PDZD2: variants seen among roughly 807,000 people sequenced by gnomAD.
PDZD2 encodes PDZ domain-containing protein 2.
Under a neutral mutation model 220.7 loss-of-function variants are expected in PDZD2, and 90 were observed. The observed-to-expected ratio is 0.41, with a 90% confidence interval of 0.34 to 0.49. The LOEUF (loss-of-function observed/expected upper bound fraction) is 0.49, where lower values mean the gene tolerates loss of function less well. Ranked by LOEUF, PDZD2 falls within the 20% of genes least tolerant of loss-of-function variation. The pLI is 0.28. For synonymous variants in PDZD2, 1,375 were observed against 1,450.5 expected (o/e 0.95, Z 1.18); for missense variants, 3,174 against 3,608.5 (o/e 0.88, Z 3.08).
At position 32,089,433 on chromosome 5, in the gene PDZD2, A is replaced by G; in HGVS notation, c.5985A>G (p.Gln1995=). ...CCTCTCCCAAGCCTGTTCCTGAGCA[A>G]GGCATGTGGAGCAGGTTCCACATGG... ...PLTSPKPVPE[Q]GMWSRFHMAV... Residue 1995 remains glutamine, a synonymous_variant, in exon 20 of 25, where the codon CAA becomes CAG. Coordinates refer to ENST00000438447, the MANE Select transcript of PDZD2 (RefSeq NM_178140.4). 6.2e-7 allele frequency: 1 copy of G among 1,614,054 alleles called. No homozygotes were observed.
intron 2 of PDZD2, among the ~76,000 whole-genome samples, chr5:31,850,243 TACACACACACACACACAC>T (rs1554082942): frequency 3.3e-5 from 4 of 122,228 alleles, no homozygotes; most frequent in Non-Finnish European, 3.4e-5. Context: ...TATATATATA[TACACACACACACACACAC>T]ATATATATAC....
intron 1 of PDZD2, among the ~76,000 whole-genome samples, chr5:31,784,269 C>T (rs918476939): frequency 3.3e-5 from 5 of 152,174 alleles, no homozygotes; most frequent in African/African-American, 9.7e-5. Context: ...GAGGTGTCCT[C>T]GGGACCTGGG....
intron 6 of PDZD2, among the ~76,000 whole-genome samples, chr5:32,011,027 A>AAAC (rs1753274331): frequency 8.0e-6 from 1 of 125,510 alleles, no homozygotes; most frequent in Non-Finnish European, 1.6e-5. Flanking sequence ...AAAAAACAAC[A>AAAC]ACAACAACAA....
chr5:31,816,234 G>A (rs1003555079), intron 2 of PDZD2, among the ~76,000 whole-genome samples: 1 of 146,338 alleles, frequency 6.8e-6, no homozygotes, highest in East Asian at 1.9e-4. Flanking sequence ...CTTGCAGTGA[G>A]CCGAGATCGC....
chr5:31,983,027 G>C (rs982793863), intron 2 of PDZD2, 128 bp from the exon 3 acceptor site: 2 of 829,760 alleles, frequency 2.4e-6, no homozygotes, highest in African/African-American at 3.4e-5. Flanking sequence ...AATCTCTTTA[G>C]GAAGCTCAAT....
At chr5:32,069,263 C>CAAA (rs11361686) in intron 14 of PDZD2, among the ~76,000 whole-genome samples, 7 of 99,342 alleles carry the variant, frequency 7.0e-5, no homozygotes, top group Non-Finnish European at 4.3e-5. Context: ...GACTCTGTCT[C>CAAA]AAAAAAAAAA....
chr5:31,689,937 C>T (rs973471155), intron 1 of PDZD2, among the ~76,000 whole-genome samples: 24 of 152,114 alleles, frequency 1.6e-4, no homozygotes, highest in Non-Finnish European at 3.2e-4. Flanking sequence ...AGAGAAATTC[C>T]CATAGGCCCA....
At chr5:31,853,465 G>T (rs1758179808) in intron 2 of PDZD2, among the ~76,000 whole-genome samples, 1 of 152,166 alleles carries the variant, frequency 6.6e-6, no homozygotes, top group Admixed American at 6.5e-5. Flanking sequence ...GTTGGCTGTT[G>T]TGCCCACCTG....
rs541276784 is a variant in PDZD2 at position 31,643,186 on chromosome 5, A to T, written c.-361+3749A>T. On this transcript the variant is annotated intron_variant, in intron 1 of 24. Coordinates refer to ENST00000438447, the MANE Select transcript of PDZD2 (RefSeq NM_178140.4). ...GAACAGTGTGTCCAGAAATGCATAA[A>T]CCTCTCACCAAAGTCAGTGAGAGCC... Among the ~76,000 whole-genome samples the T allele has an allele frequency of 1.9e-3, 295 of 152,066 alleles. 1 individual carries two copies. Among genetic ancestry groups the T allele is most frequent in the African/African-American group, 6.3e-3 (262 of 41,460 alleles).
intron 9 of PDZD2, 116 bp downstream of exon 9, chr5:32,052,846 T>C (rs1738704970): frequency 9.0e-7 from 1 of 1,107,926 alleles, no homozygotes; most frequent in Non-Finnish European, 1.3e-6. Flanking sequence ...GTTCTTGCTC[T>C]GTTGCCCAGG....
chr5:31,957,488 A>G (rs755808193), intron 2 of PDZD2, among the ~76,000 whole-genome samples: 1 of 152,226 alleles, frequency 6.6e-6, no homozygotes, highest in Non-Finnish European at 1.5e-5. Context: ...AATTGCTTAA[A>G]CATTTTCCCT....
At chr5:31,996,322 A>T (rs1162906508) in intron 4 of PDZD2, among the ~76,000 whole-genome samples, 1 of 152,244 alleles carries the variant, frequency 6.6e-6, no homozygotes, top group Non-Finnish European at 1.5e-5. Flanking sequence ...TCACGCCTGT[A>T]ATCCCAATAC....
At chr5:31,749,381 A>G (rs1447490875) in intron 1 of PDZD2, among the ~76,000 whole-genome samples, 2 of 151,192 alleles carry the variant, frequency 1.3e-5, no homozygotes, top group African/African-American at 4.9e-5. Context: ...GTCTGTCTCC[A>G]TTGTGCCTAG....
At position 32,059,251 on chromosome 5, in the gene PDZD2, G is replaced by T; in HGVS notation, c.2213G>T (p.Gly738Val). Residue 738 changes from glycine to valine, a missense_variant, in exon 13 of 25, where the codon GGA (glycine) becomes GTA (valine). This residue lies in a region of PDZD2 where 1,861 missense variants were observed against 2,001.0 expected (regional missense o/e 0.93). Transcript: ENST00000438447. ...EVTLNKEPRV[G>V]LGIGACCLAL... is the part of the protein sequence containing the mutation. ...GTGCCTCTCACAGAGCCAAGAGTTG[G>T]ATTAGGCATTGGTGCCTGCTGCTTG... The T allele has an allele frequency of 6.2e-7, 1 of 1,604,200 alleles. No individual in the cohort carries two copies. The highest frequency in any genetic ancestry group is 8.5e-7 in the Non-Finnish European group (1 of 1,171,076).
At chr5:31,881,375 T>TATA (rs869172050) in intron 2 of PDZD2, among the ~76,000 whole-genome samples, 28 of 121,624 alleles carry the variant, frequency 2.3e-4, no homozygotes, top group African/African-American at 9.5e-4. Context: ...TGTGTATATA[T>TATA]TTTTTTTTTT....
Position 31,750,955 on chromosome 5 carries a change from A to G in PDZD2, c.-360-47934A>G, listed in dbSNP as rs188514079. 1.4e-3 allele frequency among the ~76,000 whole-genome samples: 209 copies of G among 151,770 alleles called. 1 individual carries two copies. Among genetic ancestry groups the G allele is most frequent in the Non-Finnish European group, 1.5e-4 (10 of 67,986 alleles). On this transcript the variant is annotated intron_variant, in intron 1 of 24. Transcript: ENST00000438447. ...CCATTTGGTGGTTTTGAGTAAGAGA[A>G]GCATGGGCCAGGCACGGTGGCTCAT...
At chr5:31,679,500 T>A (rs1746571124) in intron 1 of PDZD2, among the ~76,000 whole-genome samples, 1 of 152,188 alleles carries the variant, frequency 6.6e-6, no homozygotes, top group African/African-American at 2.4e-5. Context: ...TTGCATTTTT[T>A]ATTTTTGTTT....
intron 2 of PDZD2, among the ~76,000 whole-genome samples, chr5:31,839,112 A>T (rs1757117895): frequency 6.6e-6 from 1 of 152,170 alleles, no homozygotes; most frequent in South Asian, 2.1e-4. Flanking sequence ...CTGCAGAAAG[A>T]CAGGAAAAGG....
At chr5:31,776,979 G>A (rs559338415) in intron 1 of PDZD2, among the ~76,000 whole-genome samples, 78 of 152,202 alleles carry the variant, frequency 5.1e-4, no homozygotes, top group African/African-American at 1.8e-3. Context: ...GCACCTCCTC[G>A]GCCTCAGGCG....
Sources: gnomAD v4.1 joint callset for allele counts (sites outside exome capture counted in the v4.1 genomes callset) on GRCh38, gnomAD v4.1.1 for gene constraint, gnomAD v4.1.1 regional missense constraint, MANE v1.5 for transcripts, NCBI Gene and HGNC (gene_info 2026-07-23, HGNC 2026-07-21) for gene names.